The following MAP2K6 variants were observed in gnomAD, a reference collection of about 807,000 sequenced individuals.
MAP2K6 encodes mitogen-activated protein kinase kinase 6, also known as dual specificity mitogen-activated protein kinase kinase 6.
MAP2K6 carries 16 observed loss-of-function variants against 53.7 expected under a neutral mutation model. The ratio of observed to expected loss-of-function variants is 0.30; its 90% CI spans 0.20 to 0.45. The LOEUF is 0.45. Ranked by LOEUF, MAP2K6 falls within the 20% of genes least tolerant of loss-of-function variation. MAP2K6 has a pLI of 1.00. For synonymous variants in MAP2K6, 132 were observed against 143.1 expected (o/e 0.92, Z 0.55); for missense variants, 204 against 411.9 (o/e 0.50, Z 4.37).
rs1908046800 is a variant in MAP2K6 at position 69,473,517 on chromosome 17, C to T, written c.17-32263C>T. Among the ~76,000 whole-genome samples, 6 of 152,022 alleles carry T rather than the reference C, an allele frequency of 3.9e-5. No individual in the cohort carries two copies. The South Asian group carries it at 1.2e-3, about 32-fold the overall frequency. On this transcript the variant is annotated intron_variant, in intron 1 of 11. Transcript: ENST00000590474. ...GGTAATTTCAGCTTTCTTCCTTATACCTTTCTTTATTTTCTAAATTTTATA... is the reference window on the plus strand; with the variant it reads ...GGTAATTTCAGCTTTCTTCCTTATATCTTTCTTTATTTTCTAAATTTTATA...
At chr17:69,489,220 C>CAAAAAA (rs58968517) in intron 1 of MAP2K6, among the ~76,000 whole-genome samples, 1 of 62,646 alleles carries the variant, frequency 1.6e-5, no homozygotes. Context: ...AACTCTGTCT[C>CAAAAAA]AAAAAAAAAA....
intron 5 of MAP2K6, chr17:69,519,990 T>C: frequency 2.9e-6 from 1 of 350,590 alleles, no homozygotes; most frequent in Non-Finnish European, 5.1e-6. Context: ...ATATCTGGGG[T>C]TGTATTGCTT....
At position 69,520,392 on chromosome 17, in the gene MAP2K6, T is replaced by C; in HGVS notation, c.483+6T>C. ...TAGGGAAAATAGCAGTTTCTGTGAG[T>C]ACATTTTGATCCCTACTGCAAGGAT... On this transcript the variant is annotated splice_donor_region_variant and intron_variant, in intron 6 of 11. Coordinates refer to ENST00000590474, the MANE Select transcript of MAP2K6 (RefSeq NM_002758.4). 6.7e-7 allele frequency: 1 copy of C among 1,499,126 alleles called. No individual in the cohort carries two copies. The highest frequency in any genetic ancestry group is 9.2e-7 in the Non-Finnish European group (1 of 1,081,836). 92.9% of individuals were successfully genotyped at this position (1,499,126 alleles called of 1,614,324 possible). A position where few individuals can be genotyped will look rare whatever the true frequency, so the allele number is the denominator to read the frequency against.
chr17:69,471,250 C>A (rs1432237493), intron 1 of MAP2K6, among the ~76,000 whole-genome samples: 1 of 152,164 alleles, frequency 6.6e-6, no homozygotes, highest in Non-Finnish European at 1.5e-5. Flanking sequence ...GTCAACTTTA[C>A]AAAGTCATGA....
At chr17:69,449,561 A>ATTTCTTTC (rs1230834033) in intron 1 of MAP2K6, among the ~76,000 whole-genome samples, 55 of 102,084 alleles carry the variant, frequency 5.4e-4, no homozygotes, top group East Asian at 2.3e-3. Context: ...TTCTTTCTTT[A>ATTTCTTTC]TTTCTTTCTT....
intron 10 of MAP2K6, among the ~76,000 whole-genome samples, chr17:69,532,246 A>G (rs550219175): frequency 6.6e-6 from 1 of 152,358 alleles, no homozygotes; most frequent in East Asian, 1.9e-4. Flanking sequence ...AGCTTTTGAC[A>G]AATGTATGCC....
Position 69,505,835 on chromosome 17 carries a change from G to A in MAP2K6, c.72G>A (p.Gln24=), listed in dbSNP as rs371065687. 3.6e-5 allele frequency: 58 copies of A among 1,613,568 alleles called. No homozygotes were observed. Among genetic ancestry groups the A allele is most frequent in the Non-Finnish European group, 4.7e-5 (56 of 1,179,742 alleles). Residue 24 remains glutamine (Q), a synonymous_variant, in exon 2 of 12, where the codon CAG becomes CAA. Transcript: ENST00000590474. ...KIPKEAFEQP[Q]TSSTPPRDLD... is the part of the protein sequence containing the mutation. ...CAAAAGAAGCATTTGAACAACCTCAGACCAGTTCCACGTAAGTTGACAAGA... is the reference window on the plus strand; with the variant it reads ...CAAAAGAAGCATTTGAACAACCTCAAACCAGTTCCACGTAAGTTGACAAGA...
chr17:69,496,126 A>G (rs1908936751), intron 1 of MAP2K6, among the ~76,000 whole-genome samples: 3 of 151,808 alleles, frequency 2.0e-5, no homozygotes, highest in Non-Finnish European at 4.4e-5. Context: ...AATAAAACCC[A>G]TTTGAGCACT....
At chr17:69,436,986 G>A (rs1411494349) in intron 1 of MAP2K6, among the ~76,000 whole-genome samples, 1 of 151,864 alleles carries the variant, frequency 6.6e-6, no homozygotes, top group Non-Finnish European at 1.5e-5. Flanking sequence ...CACCAGGCCC[G>A]GCTAATTTAT....
chr17:69,519,522 C>T lies in MAP2K6; in HGVS notation c.366+90C>T, dbSNP rs765565207. ...CGTAAATGCCTTCACAATCATGGAG[C>T]TCTTTCTTGTTTGACACATCTTGTA... is the stretch of plus-strand genomic sequence containing the variant. On this transcript the variant is annotated intron_variant, in intron 5 of 11. Coordinates refer to ENST00000590474, the MANE Select transcript of MAP2K6 (RefSeq NM_002758.4). The T allele has an allele frequency of 1.1e-5, 16 of 1,519,806 alleles. No homozygotes were observed. The South Asian group carries it at 1.9e-4, about 18-fold the overall frequency. The allele number at this position is 1,519,806 out of a possible 1,614,324, so 94.1% of individuals were successfully genotyped here. A position where few individuals can be genotyped will look rare whatever the true frequency, so the allele number is the denominator to read the frequency against.
chr17:69,541,946 T>C lies in MAP2K6; in HGVS notation c.*193T>C, dbSNP rs1911659057. 1.2e-5 allele frequency: 5 copies of C among 410,144 alleles called. No individual in the cohort carries two copies. In the South Asian group the frequency reaches 1.3e-4, roughly 10 times the overall value. The allele number at this position is 410,144 out of a possible 1,614,324, so 25.4% of individuals were successfully genotyped here. On this transcript the variant is annotated 3_prime_UTR_variant, in exon 12 of 12. Transcript: ENST00000590474. ...GGAATCTATAGTATAGAATGAACTG[T>C]CTAGATGGATGAATTATGATAAAGG...
At chr17:69,514,790 G>T (rs933319214) in intron 2 of MAP2K6, among the ~76,000 whole-genome samples, 13 of 152,246 alleles carry the variant, frequency 8.5e-5, no homozygotes, top group African/African-American at 3.1e-4. Context: ...TCAAACTCCT[G>T]ACCTCAGGTG....
intron 1 of MAP2K6, among the ~76,000 whole-genome samples, chr17:69,488,897 C>T (rs2145200137): frequency 6.6e-6 from 1 of 152,152 alleles, no homozygotes; most frequent in Middle Eastern, 3.4e-3. Context: ...ACATGTACCT[C>T]CTGAATCTAA....
intron 8 of MAP2K6, among the ~76,000 whole-genome samples, chr17:69,524,086 A>G (rs1450983772): frequency 6.6e-6 from 1 of 152,022 alleles, no homozygotes; most frequent in Non-Finnish European, 1.5e-5. Context: ...TTCCACTTTC[A>G]TGATTCAATC....
rs528641172 is a variant in MAP2K6 at position 69,463,618 on chromosome 17, A to C, written c.17-42162A>C. ...TAGCTAGCTCCCTCTCTCTCTCTCT[A>C]TATATATACACACACACATATATGT... On this transcript the variant is annotated intron_variant, in intron 1 of 11. Coordinates refer to ENST00000590474, the MANE Select transcript of MAP2K6 (RefSeq NM_002758.4). 1.1e-4 allele frequency among the ~76,000 whole-genome samples: 17 copies of C among 150,472 alleles called. No individual in the cohort carries two copies. In the East Asian group the frequency reaches 1.2e-3, roughly 10 times the overall value.
chr17:69,455,393 G>A (rs140753038), intron 1 of MAP2K6, among the ~76,000 whole-genome samples: 1 of 152,264 alleles, frequency 6.6e-6, no homozygotes, highest in East Asian at 1.9e-4. Flanking sequence ...GGTCACAGGA[G>A]GGCTACTGTA....
chr17:69,482,398 C>G (rs1468550413), intron 1 of MAP2K6, among the ~76,000 whole-genome samples: 1 of 152,002 alleles, frequency 6.6e-6, no homozygotes, highest in Non-Finnish European at 1.5e-5. Context: ...ATGTCTTTCT[C>G]TTATGTTTAT....
chr17:69,538,062 G>C (rs1911440546), intron 11 of MAP2K6, among the ~76,000 whole-genome samples: 1 of 152,010 alleles, frequency 6.6e-6, no homozygotes, highest in South Asian at 2.1e-4. Context: ...TAGAGATGGA[G>C]TCTCATTATG....
At chr17:69,428,941 C>CACACAT (rs1471050644) in intron 1 of MAP2K6, among the ~76,000 whole-genome samples, 1 of 149,396 alleles carries the variant, frequency 6.7e-6, no homozygotes, top group Non-Finnish European at 1.5e-5. Flanking sequence ...AACACACACA[C>CACACAT]ACACACACAC....
Sources: allele counts gnomAD v4.1 joint callset (sites outside exome capture counted in the v4.1 genomes callset), GRCh38; gene constraint gnomAD v4.1.1; transcripts MANE v1.5; gene names NCBI Gene and HGNC (gene_info 2026-07-23, HGNC 2026-07-21).